ROBO1: variants seen among roughly 807,000 people sequenced by gnomAD.
ROBO1 encodes the protein roundabout homolog 1.
Under a neutral mutation model 195.9 loss-of-function variants are expected in ROBO1, and 149 were observed. The observed-to-expected ratio is 0.76, with a 90% CI of 0.67 to 0.87. ROBO1 has a LOEUF of 0.87. Ranked by LOEUF, ROBO1 falls within the 40% of genes least tolerant of loss-of-function variation. ROBO1 has a pLI of 0.00. For missense variants in ROBO1, 1,933 were observed against 2,068.3 expected (o/e 0.93, Z 1.27); for synonymous variants, 816 against 733.2 (o/e 1.11, Z -1.82).
intron 4 of ROBO1, among the ~76,000 whole-genome samples, chr3:78,822,589 T>A (rs554340447): frequency 6.6e-6 from 1 of 152,296 alleles, no homozygotes; most frequent in South Asian, 2.1e-4. Context: ...ACTTTGAAAG[T>A]ACCATAGGTA....
intron 28 of ROBO1, among the ~76,000 whole-genome samples, chr3:78,607,456 G>C (rs1448264656): frequency 6.6e-6 from 1 of 152,038 alleles, no homozygotes; most frequent in Non-Finnish European, 1.5e-5. Flanking sequence ...CAAGTGATCT[G>C]TCCACCTTGG....
chr3:79,575,109 T>G, intron 2 of ROBO1, among the ~76,000 whole-genome samples: 1 of 132,940 alleles, frequency 7.5e-6, no homozygotes, highest in East Asian at 2.1e-4. Context: ...AATATATATA[T>G]ATAACAAATA....
intron 29 of ROBO1, among the ~76,000 whole-genome samples, chr3:78,600,515 T>C (rs1328252817): frequency 6.6e-6 from 1 of 152,186 alleles, no homozygotes; most frequent in East Asian, 1.9e-4. Flanking sequence ...CTGTTAGTAG[T>C]CAGGGATTTG....
At chr3:78,987,866 C>T (rs2077147323) in intron 3 of ROBO1, among the ~76,000 whole-genome samples, 1 of 152,066 alleles carries the variant, frequency 6.6e-6, no homozygotes, top group African/African-American at 2.4e-5. Flanking sequence ...AAATATCTCA[C>T]AAACCTCATA....
intron 1 of ROBO1, among the ~76,000 whole-genome samples, chr3:79,764,919 C>T (rs1395470942): frequency 6.6e-6 from 1 of 152,118 alleles, no homozygotes; most frequent in African/African-American, 2.4e-5. Context: ...CTTTGGGACT[C>T]CCTAGGCAGC....
At chr3:79,572,828 T>C (rs9836149) in intron 2 of ROBO1, among the ~76,000 whole-genome samples, 5,571 of 152,236 alleles carry the variant, frequency 0.037, 170 homozygotes, top group Non-Finnish European at 0.053. Flanking sequence ...TAGACTGGTT[T>C]GGTCCGGGAG....
At chr3:79,182,170 T>C (rs1176960997) in intron 2 of ROBO1, among the ~76,000 whole-genome samples, 5 of 152,178 alleles carry the variant, frequency 3.3e-5, no homozygotes, top group Non-Finnish European at 7.4e-5. Flanking sequence ...GATGCAACAA[T>C]AAATTTGCGA....
intron 2 of ROBO1, among the ~76,000 whole-genome samples, chr3:79,366,226 A>G (rs1426100729): frequency 6.6e-6 from 1 of 152,132 alleles, no homozygotes; most frequent in Non-Finnish European, 1.5e-5. Context: ...ATGGATGAGG[A>G]AAATTTTGGC....
chr3:79,387,566 T>G (rs1251737354), intron 2 of ROBO1, among the ~76,000 whole-genome samples: 1 of 151,890 alleles, frequency 6.6e-6, no homozygotes, highest in Non-Finnish European at 1.5e-5. Context: ...AAAAAGGGCT[T>G]ATTTCATGTT....
chr3:78,701,035 A>AT (rs1272096048), intron 8 of ROBO1, among the ~76,000 whole-genome samples: 1 of 152,204 alleles, frequency 6.6e-6, no homozygotes, highest in African/African-American at 2.4e-5. Context: ...AAGCACTGGG[A>AT]TTACAGGCGT....
At chr3:78,925,124 A>T (rs1389642540) in intron 4 of ROBO1, among the ~76,000 whole-genome samples, 1 of 152,148 alleles carries the variant, frequency 6.6e-6, no homozygotes, top group Non-Finnish European at 1.5e-5. Flanking sequence ...TTTAGCTATA[A>T]TGTTAATGAA....
At chr3:79,151,186 CT>C (rs2080762355) in intron 2 of ROBO1, among the ~76,000 whole-genome samples, 1 of 151,856 alleles carries the variant, frequency 6.6e-6, no homozygotes, top group African/African-American at 2.4e-5. Flanking sequence ...CCATGTGGAA[CT>C]GGGAGTCAAT....
At chr3:79,648,096 A>G (rs191153113) in intron 1 of ROBO1, among the ~76,000 whole-genome samples, 5 of 152,080 alleles carry the variant, frequency 3.3e-5, no homozygotes, top group African/African-American at 4.8e-5. Flanking sequence ...AGCTTACAGT[A>G]TAGGGAGTTA....
chr3:79,645,673 C>T (rs1166097188), intron 1 of ROBO1, among the ~76,000 whole-genome samples: 1 of 152,042 alleles, frequency 6.6e-6, no homozygotes, highest in Non-Finnish European at 1.5e-5. Flanking sequence ...CAAAGCAACC[C>T]TGAGCAAAAA....
intron 4 of ROBO1, among the ~76,000 whole-genome samples, chr3:78,757,109 C>T (rs1187909812): frequency 6.6e-6 from 1 of 152,144 alleles, no homozygotes. Flanking sequence ...CCAGGCTGGT[C>T]TCAAACTCCT....
chr3:79,486,949 G>A (rs1479296070), intron 2 of ROBO1, among the ~76,000 whole-genome samples: 2 of 152,060 alleles, frequency 1.3e-5, no homozygotes, highest in African/African-American at 4.8e-5. Context: ...AGTACCTGAG[G>A]GATCGACATA....
chr3:79,749,046 A>G (rs1304631438), intron 1 of ROBO1, among the ~76,000 whole-genome samples: 5 of 152,206 alleles, frequency 3.3e-5, no homozygotes, highest in African/African-American at 1.2e-4. Flanking sequence ...AAAATGTGAG[A>G]AAGTTTGGAA....
At chr3:78,972,091 G>C (rs1373601807) in intron 3 of ROBO1, among the ~76,000 whole-genome samples, 2 of 152,156 alleles carry the variant, frequency 1.3e-5, no homozygotes, top group Non-Finnish European at 2.9e-5. Context: ...TATCTCAAAA[G>C]TTAATTAAAC....
intron 3 of ROBO1, among the ~76,000 whole-genome samples, chr3:79,117,503 G>C (rs540232094): frequency 1.3e-5 from 2 of 152,304 alleles, no homozygotes; most frequent in African/African-American, 2.4e-5. Flanking sequence ...AGGAATCTGA[G>C]TGACCATGTT....
Sources: allele counts gnomAD v4.1 joint callset (sites outside exome capture counted in the v4.1 genomes callset), GRCh38; gene constraint gnomAD v4.1.1; transcripts MANE v1.5; gene names NCBI Gene and HGNC (gene_info 2026-07-23, HGNC 2026-07-21).